LARP1B: variants seen among roughly 807,000 people sequenced by gnomAD.
The protein encoded by LARP1B is La ribonucleoprotein 1B.
In LARP1B, 76 loss-of-function variants were observed where a neutral mutation model predicts 114.2. That is an observed-to-expected ratio of 0.67 (90% CI 0.55 to 0.81). The LOEUF (loss-of-function observed/expected upper bound fraction) is 0.81. Among genes scored for constraint, LARP1B ranks in the 30% least tolerant of loss-of-function variants. The pLI, the probability that LARP1B is intolerant of heterozygous loss-of-function variation, is 0.00. For synonymous variants in LARP1B, 345 were observed against 348.0 expected, an observed-to-expected ratio of 0.99 and a Z score of 0.10; for missense variants, 1,014 against 1,075.8, an observed-to-expected ratio of 0.94 and a Z score of 0.80.
chr4:128,078,032 TTAAC>T, intron 4 of LARP1B, 70 bp downstream of exon 4: 2 of 1,026,644 alleles, frequency 1.9e-6, no homozygotes, highest in Non-Finnish European at 2.8e-6. Flanking sequence ...TTACATTTCA[TTAAC>T]TGATCTCTGG....
chr4:128,064,069 C>G (rs1205290735), intron 1 of LARP1B, among the ~76,000 whole-genome samples: 1 of 151,794 alleles, frequency 6.6e-6, no homozygotes, highest in Non-Finnish European at 1.5e-5. Context: ...GTCAGGAGTT[C>G]GAGATCAGCC....
chr4:128,161,215 ATAGGGTTCAACCTT>A lies in LARP1B; in HGVS notation c.1525-962_1525-949del, dbSNP rs1037904356. Among the ~76,000 whole-genome samples, 49 of 152,326 alleles carry A rather than the reference ATAGGGTTCAACCTT, an allele frequency of 3.2e-4. 1 individual carries two copies. Among genetic ancestry groups the A allele is most frequent in the African/African-American group, 1.0e-3 (42 of 41,582 alleles). ...TCTTTATGGTTCACCTGGGTGAACC[ATAGGGTTCAACCTT>A]TAGGGTTCAACCTTTAAGTTCACCT... On this transcript the variant is annotated intron_variant, in intron 11 of 19. Transcript: ENST00000326639.
intron 8 of LARP1B, among the ~76,000 whole-genome samples, chr4:128,099,705 G>GAT (rs200055030): frequency 0.016 from 2,362 of 151,336 alleles, 24 homozygotes; most frequent in Non-Finnish European, 0.022. Context: ...TCTTTATAGG[G>GAT]ATATATATAT....
intron 11 of LARP1B, chr4:128,122,818 T>C (rs1166708074): frequency 9.2e-7 from 1 of 1,083,068 alleles, no homozygotes; most frequent in African/African-American, 1.6e-5. Flanking sequence ...CTGGTTCCTA[T>C]CCTAGTTATT....
intron 5 of LARP1B, among the ~76,000 whole-genome samples, chr4:128,089,455 C>T (rs774652666): frequency 2.6e-5 from 4 of 151,890 alleles, no homozygotes; most frequent in Non-Finnish European, 5.9e-5. Context: ...CCTGCCCTAG[C>T]CTCCCGAGTA....
chr4:128,219,046 G>A (rs1759760688), intron 6 of LARP1B, among the ~76,000 whole-genome samples: 1 of 142,004 alleles, frequency 7.0e-6, no homozygotes, highest in Non-Finnish European at 1.5e-5. Flanking sequence ...ATGAAAAAAT[G>A]CTCATCATCA....
At chr4:128,176,176 A>G (rs1745903550) in intron 12 of LARP1B, among the ~76,000 whole-genome samples, 1 of 142,826 alleles carries the variant, frequency 7.0e-6, no homozygotes. Flanking sequence ...TATATTATAT[A>G]TAAATATATA....
intron 3 of LARP1B, among the ~76,000 whole-genome samples, chr4:128,075,787 T>C (rs534049836): frequency 6.6e-6 from 1 of 152,238 alleles, no homozygotes; most frequent in Admixed American, 6.5e-5. Flanking sequence ...GCTCAAGCAA[T>C]TGGCTCGCCT....
chr4:128,153,762 T>C (rs1394799021), intron 11 of LARP1B, among the ~76,000 whole-genome samples: 1 of 152,242 alleles, frequency 6.6e-6, no homozygotes, highest in East Asian at 1.9e-4. Context: ...TGTGGGACTC[T>C]AGAACTATAT....
chr4:128,199,376 T>A, intron 15 of LARP1B, 63 bp from the exon 16 acceptor site: 2 of 1,302,520 alleles, frequency 1.5e-6, no homozygotes, highest in Non-Finnish European at 1.0e-6. Flanking sequence ...ATAGTACAAA[T>A]TGGTTCATAT....
At chr4:128,213,247 C>T (rs1170564353), downstream of LARP1B, among the ~76,000 whole-genome samples, 1 of 151,914 alleles carries the variant, frequency 6.6e-6, no homozygotes, top group African/African-American at 2.4e-5. Context: ...CCATTTTAAT[C>T]ATTTTAAATG....
At position 128,179,476 on chromosome 4, in the gene LARP1B, A is replaced by G; in HGVS notation, c.1967A>G (p.Asp656Gly). 1 of 1,610,018 alleles carries G rather than the reference A, an allele frequency of 6.2e-7. No individual in the cohort carries two copies. The highest frequency in any genetic ancestry group is 8.5e-7 in the Non-Finnish European group (1 of 1,177,918). Residue 656 changes from aspartate to glycine, a missense_variant, in exon 15 of 20, where the codon GAT becomes GGT. Coordinates refer to ENST00000326639, the MANE Select transcript of LARP1B (RefSeq NM_018078.4). ...PLECHVGWVM[D>G]SRDRGPGTSS... ...GAGTGTCATGTTGGTTGGGTAATGG[A>G]TTCCAGAGACCGTGGGCCAGGAACA...
At chr4:128,061,710 C>G (rs1760174776) in intron 1 of LARP1B, 24 of 984,934 alleles carry the variant, frequency 2.4e-5, no homozygotes, top group Admixed American at 6.2e-5. Context: ...ACTCGCGCCC[C>G]GATGCCCGCC....
chr4:128,111,526 C>A (rs998399515), intron 9 of LARP1B, among the ~76,000 whole-genome samples: 2 of 151,988 alleles, frequency 1.3e-5, no homozygotes, highest in African/African-American at 4.8e-5. Flanking sequence ...AAGTGAGACC[C>A]AGTCTACAAA....
At chr4:128,061,827 A>G (rs1760222561) in intron 1 of LARP1B, 2 of 984,732 alleles carry the variant, frequency 2.0e-6, no homozygotes, top group Non-Finnish European at 2.4e-6. Context: ...TGTGAGGGCA[A>G]AGAGGCGGCG....
In LARP1B at chr4:128,162,295, A is replaced by C; in HGVS notation, c.1626A>C (p.Val542=). The change falls in exon 12 of 20, where the codon GTA becomes GTC. Residue 542 remains valine, a synonymous_variant. Transcript: ENST00000326639. ...LPFEPNQEVP[V]APSQSRQGGV... is the part of the protein sequence containing the mutation. ...TTGAGCCAAACCAAGAAGTTCCTGT[A>C]GCACCTTCACAGTCCAGGCAAGGTA... is the stretch of plus-strand genomic sequence containing the variant. 6.2e-7 allele frequency: 1 copy of C among 1,613,220 alleles called. No homozygotes were observed. Among genetic ancestry groups the C allele is most frequent in the South Asian group, 1.1e-5 (1 of 91,020 alleles).
At chr4:128,150,082 C>T (rs925402075) in intron 11 of LARP1B, among the ~76,000 whole-genome samples, 6 of 152,010 alleles carry the variant, frequency 3.9e-5, no homozygotes, top group East Asian at 3.9e-4. Flanking sequence ...ACCCGGGAGG[C>T]GGAGGTTGCA....
At chr4:128,170,872 C>CTTTT (rs70966085) in intron 12 of LARP1B, among the ~76,000 whole-genome samples, 9 of 94,990 alleles carry the variant, frequency 9.5e-5, no homozygotes, top group African/African-American at 1.2e-4. Flanking sequence ...TTTTTCTTTT[C>CTTTT]TTTTTTTTTT....
chr4:128,199,773 G>C (rs1338513087), intron 16 of LARP1B, among the ~76,000 whole-genome samples, 174 bp downstream of exon 16: 1 of 151,980 alleles, frequency 6.6e-6, no homozygotes, highest in Non-Finnish European at 1.5e-5. Context: ...TTATAACTTA[G>C]ACACATTAGG....
Sources: gnomAD v4.1 joint callset for allele counts (sites outside exome capture counted in the v4.1 genomes callset) on GRCh38, gnomAD v4.1.1 for gene constraint, MANE v1.5 for transcripts, NCBI Gene and HGNC (gene_info 2026-07-23, HGNC 2026-07-21) for gene names.